The following DESI2 variants were observed in gnomAD, a reference collection of about 807,000 sequenced individuals.
The protein encoded by DESI2 is deubiquitinase DESI2.
In DESI2, 10 loss-of-function variants were observed where a neutral mutation model predicts 24.1. The ratio of observed to expected loss-of-function variants is 0.41; its 90% CI spans 0.26 to 0.70. DESI2 has a LOEUF of 0.70. Among genes scored for constraint, DESI2 ranks in the 30% least tolerant of loss-of-function variants. DESI2 has a pLI of 0.29. For synonymous variants in DESI2, 71 were observed against 87.7 expected (o/e 0.81, Z 1.06); for missense variants, 122 against 234.9 (o/e 0.52, Z 3.14).
chr1:244,703,660 CTTTT>C (rs34869457), intron 4 of DESI2, among the ~76,000 whole-genome samples: 29 of 143,148 alleles, frequency 2.0e-4, no homozygotes, highest in South Asian at 4.5e-4. Flanking sequence ...CTCATGTACA[CTTTT>C]TTTTTTTTTT....
At chr1:244,658,147 T>G (rs1675711272) in intron 1 of DESI2, among the ~76,000 whole-genome samples, 1 of 152,212 alleles carries the variant, frequency 6.6e-6, no homozygotes, top group Admixed American at 6.5e-5. Context: ...AGTTTCAGTC[T>G]CTAGTATTAC....
rs1677794864 is a variant in DESI2 at position 244,708,411 on chromosome 1, C to G, written c.*2622C>G. ...GTATGATCTTAGCCTCGTCCTGATG[C>G]CTGAATCCAGCCAGCTGTTGCTCTG... On this transcript the variant is annotated 3_prime_UTR_variant, in exon 5 of 5. Transcript: ENST00000302550. 1 of 152,580 alleles carries G rather than the reference C, an allele frequency of 6.6e-6. No individual in the cohort carries two copies. Among genetic ancestry groups the G allele is most frequent in the African/African-American group, 2.4e-5 (1 of 41,400 alleles). 9.5% of individuals were successfully genotyped at this position (152,580 alleles called of 1,614,324 possible).
intron 4 of DESI2, among the ~76,000 whole-genome samples, chr1:244,692,847 T>C (rs182433477): frequency 1.6e-4 from 24 of 152,338 alleles, no homozygotes; most frequent in Admixed American, 1.4e-3. Context: ...TTGTGAGATA[T>C]GTATTATCTC....
At position 244,705,901 on chromosome 1, in the gene DESI2, C is replaced by G. The variant is rs544029143; in HGVS notation, c.*112C>G. On this transcript the variant is annotated 3_prime_UTR_variant, in exon 5 of 5. Transcript: ENST00000302550. ...TTTGTATGCAAAGATGGCTCTCCCC[C>G]AAATCCCAGTTTTTCAGCTCAGGAT... The G allele has an allele frequency of 1.7e-5, 13 of 754,100 alleles. No homozygotes were observed. The highest frequency in any genetic ancestry group is 1.7e-4 in the Admixed American group (6 of 35,174). 46.7% of individuals were successfully genotyped at this position (754,100 alleles called of 1,614,324 possible). A position where few individuals can be genotyped will look rare whatever the true frequency, so the allele number is the denominator to read the frequency against.
intron 1 of DESI2, among the ~76,000 whole-genome samples, chr1:244,685,813 A>ATT (rs1191260848): frequency 6.6e-6 from 1 of 152,220 alleles, no homozygotes; most frequent in Middle Eastern, 3.4e-3. Flanking sequence ...CTCTTAACTC[A>ATT]TTTACCTTTT....
chr1:244,689,183 C>G lies in DESI2; in HGVS notation c.116-66C>G, dbSNP rs990449542. 1.2e-6 allele frequency: 1 copy of G among 810,864 alleles called. No homozygotes were observed. Among genetic ancestry groups the G allele is most frequent in the African/African-American group, 1.7e-5 (1 of 58,196 alleles). 50.2% of individuals were successfully genotyped at this position (810,864 alleles called of 1,614,324 possible). On this transcript the variant is annotated intron_variant, in intron 2 of 4. Coordinates refer to ENST00000302550, the MANE Select transcript of DESI2 (RefSeq NM_016076.5). This position sits in a 1 kb window ranked among gnomAD's most constrained non-coding sequence, Gnocchi z 4.0. ...TCACTGTTATCCTCAATTATTAAAG[C>G]TAATTCAGCATTCTGGTTAAATTTT...
chr1:244,669,605 G>A (rs898554312), intron 1 of DESI2, among the ~76,000 whole-genome samples: 1 of 152,052 alleles, frequency 6.6e-6, no homozygotes, highest in African/African-American at 2.4e-5. Context: ...CTGAACCCGG[G>A]AGGCAGAGGT....
At position 244,691,959 on chromosome 1, in the gene DESI2, A is replaced by G. The variant is rs764283003; in HGVS notation, c.290A>G (p.Lys97Arg). ...KIVEELGKEY[K>R]GNAYHLMHKN... Reference sequence around the variant, plus strand: ...GTAGAAGAACTGGGAAAAGAATACAAAGGCAATGCTTATCATTTAATGCAT... The same window carrying G: ...GTAGAAGAACTGGGAAAAGAATACAGAGGCAATGCTTATCATTTAATGCAT... The change falls in exon 4 of 5, where the codon AAA becomes AGA. Residue 97 changes from lysine to arginine, a missense_variant. Transcript: ENST00000302550. 12 of 1,604,974 alleles carry G rather than the reference A, an allele frequency of 7.5e-6. No homozygotes were observed. The highest frequency in any genetic ancestry group is 1.7e-5 in the Admixed American group (1 of 57,728).
intron 2 of DESI2, among the ~76,000 whole-genome samples, chr1:244,687,480 C>T (rs758685107): frequency 6.6e-6 from 1 of 152,164 alleles, no homozygotes; most frequent in African/African-American, 2.4e-5. Flanking sequence ...TGCCTTTGTT[C>T]GCTTCAGCTA....
chr1:244,667,755 T>C (rs946010634), intron 1 of DESI2, among the ~76,000 whole-genome samples: 3 of 152,180 alleles, frequency 2.0e-5, no homozygotes, highest in Admixed American at 2.0e-4. Flanking sequence ...TACTCTGAAC[T>C]AGTGCAATGG....
At chr1:244,700,792 G>C (rs1677419834) in intron 4 of DESI2, among the ~76,000 whole-genome samples, 4 of 152,112 alleles carry the variant, frequency 2.6e-5, no homozygotes, top group Non-Finnish European at 1.5e-5. Flanking sequence ...TTGCTCATTT[G>C]TTTTACTCCT....
At chr1:244,671,937 C>A (rs1676262667) in intron 1 of DESI2, among the ~76,000 whole-genome samples, 1 of 152,028 alleles carries the variant, frequency 6.6e-6, no homozygotes, top group South Asian at 2.1e-4. Flanking sequence ...TGCTATGTGA[C>A]ATAAGTTTTG....
In DESI2 at chr1:244,705,786, A is replaced by G. The variant is rs751223319; in HGVS notation, c.582A>G (p.Leu194=). The G allele has an allele frequency of 1.3e-5, 21 of 1,605,954 alleles. No individual in the cohort carries two copies. The highest frequency in any genetic ancestry group is 5.3e-5 in the African/African-American group (4 of 74,840). The change falls in exon 5 of 5, where the codon CTA becomes CTG. Residue 194 remains leucine (L), a synonymous_variant. Transcript: ENST00000302550. ...CCAGACCCGGGCGCCACACTAAACT[A>G]TAAATGTCTCCAAAGTCACACATTC... ...AGSRPGRHTK[L]
At chr1:244,661,410 CT>C (rs914685816) in intron 1 of DESI2, among the ~76,000 whole-genome samples, 3 of 151,464 alleles carry the variant, frequency 2.0e-5, no homozygotes, top group Non-Finnish European at 2.9e-5. Context: ...AGCTAATTTT[CT>C]TTTTTTTTAT....
At chr1:244,664,934 A>G (rs1675990852) in intron 1 of DESI2, among the ~76,000 whole-genome samples, 1 of 152,234 alleles carries the variant, frequency 6.6e-6, no homozygotes. Context: ...GTGGAATGCC[A>G]GTTATCCCAA....
At position 244,708,448 on chromosome 1, in the gene DESI2, T is replaced by C. The variant is rs1404391587; in HGVS notation, c.*2659T>C. ...CAGCTGTTGCTCTGACCCACAGCAATAGAGCAAGTTACCCATCACCAGCAT... is the reference window on the plus strand; with the variant it reads ...CAGCTGTTGCTCTGACCCACAGCAACAGAGCAAGTTACCCATCACCAGCAT... On this transcript the variant is annotated 3_prime_UTR_variant, in exon 5 of 5. Coordinates refer to ENST00000302550, the MANE Select transcript of DESI2 (RefSeq NM_016076.5). The C allele has an allele frequency of 6.6e-6, 1 of 152,650 alleles. No homozygotes were observed. The highest frequency in any genetic ancestry group is 1.9e-4 in the East Asian group (1 of 5,190). 9.5% of individuals were successfully genotyped at this position (152,650 alleles called of 1,614,324 possible). A position where few individuals can be genotyped will look rare whatever the true frequency, so the allele number is the denominator to read the frequency against.
intron 1 of DESI2, among the ~76,000 whole-genome samples, chr1:244,681,750 A>C (rs562111700): frequency 1.3e-5 from 2 of 152,372 alleles, no homozygotes; most frequent in Admixed American, 6.5e-5. Context: ...ATATAGACAG[A>C]ATACTGTATT....
At chr1:244,696,991 G>C (rs1677240373) in intron 4 of DESI2, among the ~76,000 whole-genome samples, 1 of 152,166 alleles carries the variant, frequency 6.6e-6, no homozygotes, top group Non-Finnish European at 1.5e-5. Context: ...TTGCTGGGGG[G>C]ATTAAGCATG....
In DESI2 at chr1:244,707,813, A is replaced by G. The variant is rs1292440601; in HGVS notation, c.*2024A>G. ...AGCAAGTCAGCACACAAGTGATTTT[A>G]TTGTTATTTTGTTGTATTTACTTGC... On this transcript the variant is annotated 3_prime_UTR_variant, in exon 5 of 5. Coordinates refer to ENST00000302550, the MANE Select transcript of DESI2 (RefSeq NM_016076.5). 6.6e-6 allele frequency: 1 copy of G among 152,114 alleles called. No individual in the cohort carries two copies. Among genetic ancestry groups the G allele is most frequent in the Non-Finnish European group, 1.5e-5 (1 of 68,016 alleles). The allele number at this position is 152,114 out of a possible 1,614,324, so 9.4% of individuals were successfully genotyped here.
Sources: gnomAD v4.1 joint callset for allele counts (sites outside exome capture counted in the v4.1 genomes callset) on GRCh38, gnomAD v4.1.1 for gene constraint, Gnocchi (gnomAD v3.1) non-coding constraint, MANE v1.5 for transcripts, NCBI Gene and HGNC (gene_info 2026-07-23, HGNC 2026-07-21) for gene names.